The following PLAC1 variants were observed in gnomAD, a reference collection of about 807,000 sequenced individuals.
The protein encoded by PLAC1 is placenta-specific protein 1.
For missense variants in PLAC1, 136 were observed against 163.2 expected, an observed-to-expected ratio of 0.83 and a Z score of 0.91; for synonymous variants, 68 against 62.1, an observed-to-expected ratio of 1.09 and a Z score of -0.44.
At chrX:134,712,068 A>G (rs1297869693) in intron 2 of PLAC1, among the ~76,000 whole-genome samples, 1 of 111,759 alleles carries the variant, frequency 8.9e-6, no homozygotes, top group African/African-American at 3.3e-5. Context: ...AATTTCTAAT[A>G]TTAGAAAATC....
chrX:134,736,265 G>A (rs745632979), intron 1 of PLAC1, among the ~76,000 whole-genome samples: 5 of 109,774 alleles, frequency 4.6e-5, no homozygotes, highest in South Asian at 4.0e-4. Flanking sequence ...GTGACAAAGC[G>A]AGACTCCATT....
At chrX:134,644,022 C>G (rs1281192778) in intron 1 of PLAC1, among the ~76,000 whole-genome samples, 1 of 110,217 alleles carries the variant, frequency 9.1e-6, no homozygotes, top group Non-Finnish European at 1.9e-5. Context: ...TTCATAATAA[C>G]GTTTCACACA....
At chrX:134,640,773 A>G (rs533833786) in intron 1 of PLAC1, among the ~76,000 whole-genome samples, 3 of 112,429 alleles carry the variant, frequency 2.7e-5, no homozygotes, top group African/African-American at 9.7e-5. Flanking sequence ...AGCCCAGCAC[A>G]GTGCCTGGAG....
chrX:134,753,853 C>T (rs187932153), intron 1 of PLAC1, among the ~76,000 whole-genome samples: 233 of 111,935 alleles, frequency 2.1e-3, no homozygotes, highest in African/African-American at 7.3e-3. Context: ...AACAGGACTT[C>T]TGTGAATTGA....
chrX:134,687,867 T>TATATATATAG, intron 2 of PLAC1, among the ~76,000 whole-genome samples: 1 of 52,288 alleles, frequency 1.9e-5, no homozygotes, highest in African/African-American at 7.8e-5. Context: ...TATATATATA[T>TATATATATAG]AGCACCTAGC....
rs781509125 is a variant in PLAC1, at chrX:134,605,040, T to C, written c.-130-2918A>G. 1.4e-3 allele frequency among the ~76,000 whole-genome samples: 153 copies of C among 111,471 alleles called. 3 individuals are homozygous for C. The highest frequency in any genetic ancestry group is 4.6e-3 in the Middle Eastern group (1 of 219). On this transcript the variant is annotated intron_variant, in intron 1 of 2. Transcript: ENST00000359237. ...TACTTTAGAGGCCAGATTGTGTTTT[T>C]TAAAACCTACTTGGAAAGCATTTGT... is the stretch of plus-strand genomic sequence containing the variant.
intron 2 of PLAC1, among the ~76,000 whole-genome samples, chrX:134,730,179 G>A (rs1303028543): frequency 8.9e-6 from 1 of 112,033 alleles, no homozygotes; most frequent in Admixed American, 9.5e-5. Context: ...ATGAGGACCT[G>A]AAGGCTCCAT....
chrX:134,614,904 G>A (rs1416638988), intron 1 of PLAC1, among the ~76,000 whole-genome samples: 2 of 111,175 alleles, frequency 1.8e-5, no homozygotes, highest in African/African-American at 6.6e-5. Flanking sequence ...TCCTGCCTCG[G>A]CCTCCCAAAG....
intron 1 of PLAC1, among the ~76,000 whole-genome samples, chrX:134,606,941 G>C (rs1391236604): frequency 1.8e-5 from 2 of 111,997 alleles, no homozygotes; most frequent in Non-Finnish European, 3.8e-5. Flanking sequence ...TTCACTATTC[G>C]AGTGATGAGT....
chrX:134,631,608 G>A (rs1258347358), intron 1 of PLAC1, among the ~76,000 whole-genome samples: 2 of 111,644 alleles, frequency 1.8e-5, no homozygotes, highest in East Asian at 5.6e-4. Context: ...GGGGCGTGGG[G>A]GTTGGATTGA....
At chrX:134,761,442 C>T (rs745590997) in intron 1 of PLAC1, among the ~76,000 whole-genome samples, 3 of 111,908 alleles carry the variant, frequency 2.7e-5, no homozygotes, top group Admixed American at 9.5e-5. Context: ...GGTTCGGGAT[C>T]GGGGGGAAGG....
At chrX:134,641,209 C>T (rs1203336902) in intron 1 of PLAC1, among the ~76,000 whole-genome samples, 1 of 111,430 alleles carries the variant, frequency 9.0e-6, no homozygotes, top group African/African-American at 3.3e-5. Context: ...GCTATGATCA[C>T]ACCACTGTAC....
At chrX:134,722,107 G>T (rs1427986380) in intron 2 of PLAC1, among the ~76,000 whole-genome samples, 1 of 110,781 alleles carries the variant, frequency 9.0e-6, no homozygotes, top group Non-Finnish European at 1.9e-5. Flanking sequence ...TTATTTTAGA[G>T]ATGAGATCTC....
At chrX:134,622,489 C>T (rs939203636) in intron 1 of PLAC1, among the ~76,000 whole-genome samples, 2 of 111,585 alleles carry the variant, frequency 1.8e-5, no homozygotes, top group African/African-American at 6.5e-5. Context: ...TTGGCTGAAA[C>T]ACTTTGACAG....
At chrX:134,640,297 G>T (rs1474802358) in intron 1 of PLAC1, among the ~76,000 whole-genome samples, 1 of 111,714 alleles carries the variant, frequency 9.0e-6, no homozygotes, top group African/African-American at 3.3e-5. Flanking sequence ...AACTGCTTCA[G>T]GATTCTAGTT....
At chrX:134,669,698 G>A (rs187676841) in intron 2 of PLAC1, among the ~76,000 whole-genome samples, 10 of 112,508 alleles carry the variant, frequency 8.9e-5, no homozygotes, top group Admixed American at 2.8e-4. Context: ...TGGTAGAGTG[G>A]CTGAGAACTG....
At chrX:134,748,952 A>C (rs1301526891) in intron 1 of PLAC1, among the ~76,000 whole-genome samples, 1 of 112,315 alleles carries the variant, frequency 8.9e-6, no homozygotes, top group Non-Finnish European at 1.9e-5. Context: ...GAAGAGTTCT[A>C]ATCAGGGTTA....
intron 2 of PLAC1, among the ~76,000 whole-genome samples, chrX:134,670,087 G>A (rs1239957707): frequency 1.1e-5 from 1 of 90,457 alleles, no homozygotes; most frequent in African/African-American, 4.2e-5. Context: ...AGCAAAGTTT[G>A]GCTGGGTGGC....
intron 1 of PLAC1, among the ~76,000 whole-genome samples, chrX:134,636,008 G>A (rs960643881): frequency 1.2e-4 from 13 of 112,177 alleles, no homozygotes; most frequent in African/African-American, 3.9e-4. Flanking sequence ...ATGTGCCTTC[G>A]ATAATGACAC....
Sources: allele counts gnomAD v4.1 joint callset (sites outside exome capture counted in the v4.1 genomes callset), GRCh38; gene constraint gnomAD v4.1.1; transcripts MANE v1.5; gene names NCBI Gene and HGNC (gene_info 2026-07-23, HGNC 2026-07-21).